EPHA6: variants seen among roughly 807,000 people sequenced by gnomAD.
EPHA6 encodes the protein ephrin type-A receptor 6.
A neutral mutation model predicts 112.0 loss-of-function variants in EPHA6; 50 were observed. That is an observed-to-expected ratio of 0.45 (90% CI 0.36 to 0.56). The LOEUF (loss-of-function observed/expected upper bound fraction) is 0.56, where lower values mean the gene tolerates loss of function less well. EPHA6 is among the 20% of genes least tolerant of loss of function. The pLI is 0.00. For missense variants in EPHA6, 1,280 were observed against 1,417.4 expected (o/e 0.90, Z 1.56); for synonymous variants, 529 against 490.7 (o/e 1.08, Z -1.03).
chr3:97,468,042 G>A (rs1024287300), intron 7 of EPHA6, among the ~76,000 whole-genome samples: 1 of 151,004 alleles, frequency 6.6e-6, no homozygotes, highest in African/African-American at 2.4e-5. Context: ...CAAAATCTCT[G>A]TTGTTTCAGT....
chr3:97,257,360 C>A (rs1010977761), intron 5 of EPHA6, among the ~76,000 whole-genome samples: 1 of 151,612 alleles, frequency 6.6e-6, no homozygotes, highest in African/African-American at 2.4e-5. Flanking sequence ...AATGAAAAAA[C>A]CATGGTAAAA....
chr3:97,562,646 A>G (rs565810132), intron 11 of EPHA6, among the ~76,000 whole-genome samples: 1 of 152,284 alleles, frequency 6.6e-6, no homozygotes, highest in East Asian at 1.9e-4. Context: ...TTAGTTGTTA[A>G]CACAGTGGCA....
chr3:96,994,236 C>G (rs1279421753), intron 3 of EPHA6: 3 of 392,736 alleles, frequency 7.6e-6, no homozygotes, highest in East Asian at 8.6e-5. Flanking sequence ...CTTTATTATA[C>G]ATAGTAAGCA....
At chr3:97,202,966 C>T (rs2077617959) in intron 3 of EPHA6, among the ~76,000 whole-genome samples, 1 of 152,010 alleles carries the variant, frequency 6.6e-6, no homozygotes, top group Non-Finnish European at 1.5e-5. Flanking sequence ...CCAGAAAGAG[C>T]AAGAACACCA....
chr3:96,917,608 A>C (rs1206529069), intron 2 of EPHA6, among the ~76,000 whole-genome samples: 2 of 152,110 alleles, frequency 1.3e-5, no homozygotes, highest in African/African-American at 4.8e-5. Flanking sequence ...CTACCTACAA[A>C]CAACCACCAT....
chr3:96,975,809 C>T (rs2042499723), intron 2 of EPHA6, among the ~76,000 whole-genome samples: 1 of 152,152 alleles, frequency 6.6e-6, no homozygotes, highest in Non-Finnish European at 1.5e-5. Flanking sequence ...TTGTTCTACT[C>T]ATATAGGTCA....
At chr3:96,921,471 G>A (rs1355042785) in intron 2 of EPHA6, among the ~76,000 whole-genome samples, 2 of 151,934 alleles carry the variant, frequency 1.3e-5, no homozygotes, top group African/African-American at 4.8e-5. Context: ...CATAAATTGG[G>A]AATGGGTAAT....
chr3:96,970,669 C>T (rs529940801), intron 2 of EPHA6, among the ~76,000 whole-genome samples: 1 of 152,142 alleles, frequency 6.6e-6, no homozygotes, highest in East Asian at 1.9e-4. Flanking sequence ...CTATGGGAGG[C>T]TTGTGTGGGA....
At chr3:97,029,710 T>C (rs1164779765) in intron 3 of EPHA6, among the ~76,000 whole-genome samples, 2 of 152,148 alleles carry the variant, frequency 1.3e-5, no homozygotes, top group East Asian at 3.9e-4. Context: ...TCAAATTGGC[T>C]GCATTTTGCA....
intron 13 of EPHA6, among the ~76,000 whole-genome samples, chr3:97,633,471 T>G (rs2093920782): frequency 6.6e-6 from 1 of 152,080 alleles, no homozygotes; most frequent in African/African-American, 2.4e-5. Flanking sequence ...AAATATTAAA[T>G]CTCAGTGCTC....
At chr3:97,220,539 G>C (rs2078163884) in intron 3 of EPHA6, among the ~76,000 whole-genome samples, 1 of 152,158 alleles carries the variant, frequency 6.6e-6, no homozygotes, top group Admixed American at 6.6e-5. Context: ...AGGCAAAGGG[G>C]AAGCAAGGGA....
intron 4 of EPHA6, among the ~76,000 whole-genome samples, chr3:97,230,994 C>A (rs1559814742): frequency 1.3e-5 from 2 of 152,092 alleles, no homozygotes; most frequent in South Asian, 4.1e-4. Context: ...AGGGTGATTT[C>A]TACTTTGTTT....
At chr3:97,676,504 TA>T (rs2031397609) in intron 14 of EPHA6, among the ~76,000 whole-genome samples, 1 of 152,154 alleles carries the variant, frequency 6.6e-6, no homozygotes, top group South Asian at 2.1e-4. Context: ...CTAGGAAGTA[TA>T]AATAACTCTT....
intron 11 of EPHA6, among the ~76,000 whole-genome samples, chr3:97,546,669 T>G (rs1213750284): frequency 6.6e-6 from 1 of 152,230 alleles, no homozygotes; most frequent in Non-Finnish European, 1.5e-5. Flanking sequence ...TTTTCCAACT[T>G]GGTTCCATTC....
intron 14 of EPHA6, among the ~76,000 whole-genome samples, chr3:97,685,549 G>A (rs1351625322): frequency 6.6e-6 from 1 of 152,068 alleles, no homozygotes; most frequent in Non-Finnish European, 1.5e-5. Context: ...TATGACAGAG[G>A]CCTCCACCAT....
chr3:97,577,484 G>A (rs1187547937), intron 11 of EPHA6, among the ~76,000 whole-genome samples: 1 of 151,478 alleles, frequency 6.6e-6, no homozygotes, highest in Non-Finnish European at 1.5e-5. Flanking sequence ...TAAGCATCAG[G>A]CATTGAGCTA....
At chr3:97,655,825 G>A (rs921241515) in intron 14 of EPHA6, among the ~76,000 whole-genome samples, 4 of 151,590 alleles carry the variant, frequency 2.6e-5, no homozygotes, top group Non-Finnish European at 4.4e-5. Flanking sequence ...GTTAATGGGT[G>A]CAGCACACCA....
At chr3:97,281,209 G>C (rs2080274166) in intron 5 of EPHA6, among the ~76,000 whole-genome samples, 1 of 140,964 alleles carries the variant, frequency 7.1e-6, no homozygotes, top group Non-Finnish European at 1.5e-5. Context: ...CTATGTGTGT[G>C]TGTGTGTGTG....
chr3:96,879,782 T>G (rs927843709), intron 2 of EPHA6, among the ~76,000 whole-genome samples: 1 of 152,118 alleles, frequency 6.6e-6, no homozygotes, highest in African/African-American at 2.4e-5. Flanking sequence ...TAAAAGGGAT[T>G]GGGTTCTTGA....
Sources: allele counts gnomAD v4.1 joint callset (sites outside exome capture counted in the v4.1 genomes callset), GRCh38; gene constraint gnomAD v4.1.1; transcripts MANE v1.5; gene names NCBI Gene and HGNC (gene_info 2026-07-23, HGNC 2026-07-21).